Variants in SPAG1 observed in about 807,000 individuals in gnomAD.
The protein encoded by SPAG1 is sperm-associated antigen 1.
In SPAG1, 69 loss-of-function variants were observed where a neutral mutation model predicts 100.5. The ratio of observed to expected loss-of-function variants is 0.69; its 90% CI spans 0.57 to 0.84. SPAG1 has a LOEUF of 0.84. Ranked by LOEUF, SPAG1 falls within the 40% of genes least tolerant of loss-of-function variation. The pLI is 0.00. For missense variants in SPAG1, 955 were observed against 1,133.1 expected (o/e 0.84, Z 2.26); for synonymous variants, 336 against 411.6 (o/e 0.82, Z 2.22).
chr8:100,162,517 T>C, intron 2 of SPAG1, 97 bp downstream of exon 2: 1 of 1,054,750 alleles, frequency 9.5e-7, no homozygotes, highest in Non-Finnish European at 1.3e-6. Flanking sequence ...AATATCTGTT[T>C]TTGCCCATGC....
At position 100,213,465 on chromosome 8, in the gene SPAG1, C is replaced by G. The variant is rs781165724; in HGVS notation, c.1435+37C>G. The G allele has an allele frequency of 3.4e-5, 46 of 1,363,262 alleles. No homozygotes were observed. The South Asian group carries it at 5.6e-4, about 16-fold the overall frequency. The allele number at this position is 1,363,262 out of a possible 1,614,324, so 84.4% of individuals were successfully genotyped here. ...GCGCCCCGCCGCTTCCTGGGCCCCT[C>G]GCGCTGCGGTTCACCCGACCTCCGG... On this transcript the variant is annotated intron_variant, in intron 11 of 18. Transcript: ENST00000388798.
At chr8:100,171,983 C>T (rs570743566) in intron 3 of SPAG1, among the ~76,000 whole-genome samples, 3 of 152,150 alleles carry the variant, frequency 2.0e-5, no homozygotes, top group Non-Finnish European at 4.4e-5. Flanking sequence ...CAATCTCTGC[C>T]TCTCCAGTTC....
chr8:100,183,836 A>G (rs1345540300), intron 5 of SPAG1, 120 bp from the exon 6 acceptor site: 1 of 574,536 alleles, frequency 1.7e-6, no homozygotes, highest in African/African-American at 2.0e-5. Context: ...CTATTAACTT[A>G]CTACATATTT....
At chr8:100,220,463 A>G (rs767845149) in intron 13 of SPAG1, 32 bp downstream of exon 13, 1 of 1,586,458 alleles carries the variant, frequency 6.3e-7, no homozygotes, top group Non-Finnish European at 8.6e-7. Flanking sequence ...CCTAAAATCT[A>G]GTTGTTTTAT....
At chr8:100,181,570 G>A (rs1358653510) in intron 4 of SPAG1, among the ~76,000 whole-genome samples, 4 of 152,188 alleles carry the variant, frequency 2.6e-5, no homozygotes, top group Non-Finnish European at 5.9e-5. Flanking sequence ...TCAAGGTATT[G>A]GCAGGGCCTT....
intron 10 of SPAG1, among the ~76,000 whole-genome samples, chr8:100,200,790 G>A (rs913675927): frequency 1.5e-5 from 2 of 132,332 alleles, no homozygotes; most frequent in South Asian, 4.7e-4. Context: ...TTTTTGATGG[G>A]GTTGTTTGTT....
At chr8:100,203,094 G>A (rs549948611) in intron 10 of SPAG1, among the ~76,000 whole-genome samples, 16 of 152,292 alleles carry the variant, frequency 1.1e-4, no homozygotes, top group Admixed American at 7.8e-4. Context: ...AGTCTGGTGG[G>A]CACAATCTAA....
Position 100,241,142 on chromosome 8 carries a change from A to T in SPAG1, c.*120A>T. Reference sequence around the variant, plus strand: ...CCTAGAAAAGTTTGGTCTGCACTATAAAACATTTTACTTATTTTCCTACAT... The same window carrying T: ...CCTAGAAAAGTTTGGTCTGCACTATTAAACATTTTACTTATTTTCCTACAT... On this transcript the variant is annotated 3_prime_UTR_variant, in exon 19 of 19. Transcript: ENST00000388798. The surrounding 1 kb of genome is among the most constrained non-coding windows in gnomAD (Gnocchi z 5.1). 1 of 849,036 alleles carries T rather than the reference A, an allele frequency of 1.2e-6. No individual in the cohort carries two copies. Among genetic ancestry groups the T allele is most frequent in the South Asian group, 2.2e-5 (1 of 45,558 alleles). The allele number at this position is 849,036 out of a possible 1,614,324, so 52.6% of individuals were successfully genotyped here. A position where few individuals can be genotyped will look rare whatever the true frequency, so the allele number is the denominator to read the frequency against.
intron 16 of SPAG1, among the ~76,000 whole-genome samples, chr8:100,238,673 C>G (rs530900699): frequency 2.6e-5 from 4 of 152,232 alleles, no homozygotes; most frequent in African/African-American, 9.6e-5. Context: ...TTGACTCTAG[C>G]CAATTCGAAG....
At chr8:100,216,784 C>T (rs1818007567) in intron 12 of SPAG1, among the ~76,000 whole-genome samples, 1 of 152,154 alleles carries the variant, frequency 6.6e-6, no homozygotes, top group Admixed American at 6.5e-5. Flanking sequence ...AGAGAAGCCA[C>T]TCTGTGCTTT....
In SPAG1 at chr8:100,240,501, A is replaced by C. The variant is rs773700741; in HGVS notation, c.2379A>C (p.Glu793Asp). ...EKGGKSSRSPEDPEKLPIAKP... is the reference protein window; with the variant it reads ...EKGGKSSRSPDDPEKLPIAKP... ...GAGGCAAAAGCAGCAGGTCACCAGA[A>C]GACCCTGAGAAACTTCCGATAGCCA... Residue 793 changes from glutamate (E) to aspartate (D), a missense_variant, in exon 18 of 19, where the codon GAA (glutamate) becomes GAC (aspartate). Coordinates refer to ENST00000388798, the MANE Select transcript of SPAG1 (RefSeq NM_003114.5). The C allele has an allele frequency of 5.0e-6, 8 of 1,614,172 alleles. No individual in the cohort carries two copies. Among genetic ancestry groups the C allele is most frequent in the Non-Finnish European group, 6.8e-6 (8 of 1,180,022 alleles).
At position 100,170,820 on chromosome 8, in the gene SPAG1, TA is replaced by T. The variant is rs1410603664; in HGVS notation, c.300+4848del. On this transcript the variant is annotated intron_variant, in intron 3 of 18. Coordinates refer to ENST00000388798, the MANE Select transcript of SPAG1 (RefSeq NM_003114.5). The stretch of plus-strand genomic sequence containing the variant: ...TCTGCCATTTATTTATTTATTTATT[TA>T]TTTATTTATTTATTTATTTATTTAT... Among the ~76,000 whole-genome samples, 549 of 148,246 alleles carry T rather than the reference TA, an allele frequency of 3.7e-3. 1 individual carries two copies. The highest frequency in any genetic ancestry group is 5.9e-3 in the Non-Finnish European group (395 of 67,396).
At chr8:100,166,125 A>G in intron 3 of SPAG1, 152 bp downstream of exon 3, 1 of 612,254 alleles carries the variant, frequency 1.6e-6, no homozygotes, top group Non-Finnish European at 2.8e-6. Context: ...CCAGGGGAAC[A>G]TTGCGAATTC....
chr8:100,168,704 T>TTTTTTTTTTTTTTTTG (rs1815683125), intron 3 of SPAG1, among the ~76,000 whole-genome samples: 1 of 144,626 alleles, frequency 6.9e-6, no homozygotes, highest in Admixed American at 7.0e-5. Flanking sequence ...TTTTTGTTGT[T>TTTTTTTTTTTTTTTTG]GAGACAGAGC....
intron 10 of SPAG1, among the ~76,000 whole-genome samples, chr8:100,197,588 G>A (rs1312928158): frequency 6.6e-6 from 1 of 152,116 alleles, no homozygotes; most frequent in East Asian, 1.9e-4. Context: ...AAAGCCCAGA[G>A]GAAAGTTATC....
At chr8:100,213,480 C>G (rs1660352) in intron 11 of SPAG1, 52 bp downstream of exon 11, 2 of 1,325,414 alleles carry the variant, frequency 1.5e-6, no homozygotes, top group Non-Finnish European at 1.9e-6. Context: ...TGCGGTTCAC[C>G]CGACCTCCGG....
At chr8:100,184,548 A>C in intron 6 of SPAG1, 80 bp from the exon 7 acceptor site, 1 of 654,872 alleles carries the variant, frequency 1.5e-6, no homozygotes, top group Non-Finnish European at 2.5e-6. Flanking sequence ...GCTTCTGTTA[A>C]AATAAGCATT....
chr8:100,214,507 T>C (rs754537609), intron 12 of SPAG1, among the ~76,000 whole-genome samples: 1 of 152,216 alleles, frequency 6.6e-6, no homozygotes, highest in Non-Finnish European at 1.5e-5. Context: ...TTCCTGGTCA[T>C]CTGCAGGCCT....
At chr8:100,177,989 G>A in intron 4 of SPAG1, 48 bp downstream of exon 4, 1 of 1,552,402 alleles carries the variant, frequency 6.4e-7, no homozygotes, top group Non-Finnish European at 8.8e-7. Context: ...GAGGATTGCT[G>A]CTGTTTATTA....
Sources: gnomAD v4.1 joint callset for allele counts (sites outside exome capture counted in the v4.1 genomes callset) on GRCh38, gnomAD v4.1.1 for gene constraint, Gnocchi (gnomAD v3.1) non-coding constraint, MANE v1.5 for transcripts, NCBI Gene and HGNC (gene_info 2026-07-23, HGNC 2026-07-21) for gene names.